MAML2: variants seen among roughly 807,000 people sequenced by gnomAD.
MAML2 encodes mastermind like transcriptional coactivator 2, also known as mastermind-like protein 2.
Under a neutral mutation model 96.1 loss-of-function variants are expected in MAML2, and 22 were observed. The ratio of observed to expected loss-of-function variants is 0.23; its 90% CI spans 0.16 to 0.33. MAML2 has a LOEUF of 0.33. MAML2 is among the 10% of genes least tolerant of loss of function. MAML2 has a pLI of 1.00. For missense variants in MAML2, 1,367 were observed against 1,392.4 expected (o/e 0.98, Z 0.29); for synonymous variants, 561 against 521.3 (o/e 1.08, Z -1.04).
intron 2 of MAML2, among the ~76,000 whole-genome samples, chr11:96,072,267 C>A (rs1036507876): frequency 1.3e-5 from 2 of 152,118 alleles, no homozygotes; most frequent in Non-Finnish European, 2.9e-5. Context: ...CAGGGTATGT[C>A]CTGACTGCAT....
Position 96,322,624 on chromosome 11 carries a change from G to A in MAML2, c.513+18759C>T, listed in dbSNP as rs561103141. 1.3e-3 allele frequency among the ~76,000 whole-genome samples: 199 copies of A among 152,250 alleles called. 1 individual carries two copies. The highest frequency in any genetic ancestry group is 2.0e-3 in the Non-Finnish European group (138 of 68,008). On this transcript the variant is annotated intron_variant, in intron 1 of 4. Coordinates refer to ENST00000524717, the MANE Select transcript of MAML2 (RefSeq NM_032427.4). ...GGAGAATGGCGTGAACCCGGAAGGCGGAGCTTGCAGTGAGCCGAGATCGCG... is the reference window on the plus strand; with the variant it reads ...GGAGAATGGCGTGAACCCGGAAGGCAGAGCTTGCAGTGAGCCGAGATCGCG...
At chr11:96,089,550 A>G (rs939137711) in intron 2 of MAML2, among the ~76,000 whole-genome samples, 1 of 152,206 alleles carries the variant, frequency 6.6e-6, no homozygotes, top group Non-Finnish European at 1.5e-5. Flanking sequence ...CCTAGAGACA[A>G]TCCCCAGAGA....
chr11:96,010,190 A>C (rs532624604), intron 2 of MAML2, among the ~76,000 whole-genome samples: 1 of 152,344 alleles, frequency 6.6e-6, no homozygotes, highest in African/African-American at 2.4e-5. Context: ...TACATTCTAT[A>C]TCCTAATTAT....
chr11:96,035,281 C>A (rs627313), intron 2 of MAML2, among the ~76,000 whole-genome samples: 2 of 151,940 alleles, frequency 1.3e-5, no homozygotes, highest in Non-Finnish European at 2.9e-5. Context: ...GAAAGCTATG[C>A]GAAGCCAACC....
At position 96,111,369 on chromosome 11, in the gene MAML2, G is replaced by A. The variant is rs138015213; in HGVS notation, c.514-17852C>T. Among the ~76,000 whole-genome samples, 933 of 152,068 alleles carry A rather than the reference G, an allele frequency of 6.1e-3. 10 individuals carry two copies. Among genetic ancestry groups the A allele is most frequent in the Non-Finnish European group, 0.01 (688 of 68,010 alleles). On this transcript the variant is annotated intron_variant, in intron 1 of 4. Transcript: ENST00000524717. ...GCAAATTCACTGCTTCATGACAAGC[G>A]CCAACAGTCATACGCAGATGCAATT...
chr11:96,199,155 C>A lies in MAML2; in HGVS notation c.514-105638G>T, dbSNP rs1444902851. Reference sequence around the variant, plus strand: ...GAGTTTGCAGTGGGCCAAAATGGCGCCACTGCACTCCAGCCTGGGCAACAG... The same window carrying A: ...GAGTTTGCAGTGGGCCAAAATGGCGACACTGCACTCCAGCCTGGGCAACAG... On this transcript the variant is annotated intron_variant, in intron 1 of 4. Coordinates refer to ENST00000524717, the MANE Select transcript of MAML2 (RefSeq NM_032427.4). Among the ~76,000 whole-genome samples the A allele has an allele frequency of 5.6e-5, 8 of 143,766 alleles. No individual in the cohort carries two copies. The South Asian group carries it at 1.8e-3, about 32-fold the overall frequency. 94.3% of individuals were successfully genotyped at this position (143,766 alleles called of 152,430 possible).
At chr11:96,091,808 A>T (rs550543092) in intron 2 of MAML2, 84 bp downstream of exon 2, 88 of 1,506,448 alleles carry the variant, frequency 5.8e-5, no homozygotes, top group Non-Finnish European at 7.6e-5. Flanking sequence ...TCTTGTCCCA[A>T]TACAAACATA....
chr11:96,028,067 A>C (rs949015325), intron 2 of MAML2, among the ~76,000 whole-genome samples: 2 of 152,138 alleles, frequency 1.3e-5, no homozygotes, highest in African/African-American at 4.8e-5. Context: ...ATAAGTAAAC[A>C]AGGTCCCAAT....
chr11:96,110,354 G>A (rs1204804905), intron 1 of MAML2, among the ~76,000 whole-genome samples: 1 of 152,192 alleles, frequency 6.6e-6, no homozygotes, highest in Non-Finnish European at 1.5e-5. Context: ...TAGGTACAAA[G>A]TTAAACATTC....
In MAML2 at chr11:96,092,688, C is replaced by A; in HGVS notation, c.1343G>T (p.Arg448Leu). Reference sequence around the variant, plus strand: ...GTGCTGCTGCTGGTGCTGCTGCATCCGGGCATGCTGCTGACGATTAGCAGC... The same window carrying A: ...GTGCTGCTGCTGGTGCTGCTGCATCAGGGCATGCTGCTGACGATTAGCAGC... ...QIAANRQQHA[R>L]MQQHQQQHQP... The change falls in exon 2 of 5, where the codon CGG becomes CTG. Residue 448 changes from arginine (R) to leucine (L), a missense_variant. Coordinates refer to ENST00000524717, the MANE Select transcript of MAML2 (RefSeq NM_032427.4). This position sits in a 1 kb window ranked among gnomAD's most constrained non-coding sequence, Gnocchi z 4.1. The A allele has an allele frequency of 6.2e-7, 1 of 1,613,968 alleles. No homozygotes were observed. Among genetic ancestry groups the A allele is most frequent in the Admixed American group, 1.7e-5 (1 of 60,024 alleles).
At chr11:96,330,987 C>T (rs1863846453) in intron 1 of MAML2, among the ~76,000 whole-genome samples, 2 of 152,124 alleles carry the variant, frequency 1.3e-5, no homozygotes, top group African/African-American at 4.8e-5. Context: ...AAGCCATCTA[C>T]CAGCCAGGCA....
At chr11:96,333,745 A>G (rs889794662) in intron 1 of MAML2, among the ~76,000 whole-genome samples, 1 of 152,232 alleles carries the variant, frequency 6.6e-6, no homozygotes. Flanking sequence ...CAAAAGCATA[A>G]ATTTAAATCT....
Position 95,979,321 on chromosome 11 carries a change from C to T in MAML2, c.3098G>A (p.Ser1033Asn). The change falls in exon 5 of 5, where the codon AGC becomes AAC. Residue 1033 changes from serine to asparagine, a missense_variant. Physicochemically the swap from Ser to Asn is conservative, Grantham distance 46. Transcript: ENST00000524717. ...CATGGTTTGCCCATTTAGTGTTTGG[C>T]TCATTTGGTTCATGGGTCTCATTTG... ...AVQMRPMNQMSQTLNGQTMGP... is the reference protein window; with the variant it reads ...AVQMRPMNQMNQTLNGQTMGP... 1.2e-6 allele frequency: 2 copies of T among 1,613,910 alleles called. No individual in the cohort carries two copies. Among genetic ancestry groups the T allele is most frequent in the Non-Finnish European group, 8.5e-7 (1 of 1,179,864 alleles).
At chr11:96,007,027 A>G (rs1005054183) in intron 2 of MAML2, among the ~76,000 whole-genome samples, 1 of 151,216 alleles carries the variant, frequency 6.6e-6, no homozygotes, top group African/African-American at 2.4e-5. Context: ...TTTTTTAGAC[A>G]GAGTCTCACT....
At chr11:96,296,366 C>T (rs556010051) in intron 1 of MAML2, among the ~76,000 whole-genome samples, 57 of 152,220 alleles carry the variant, frequency 3.7e-4, no homozygotes, top group African/African-American at 9.9e-4. Context: ...GAAGGGAGGC[C>T]GAGCACGGTG....
intron 2 of MAML2, among the ~76,000 whole-genome samples, chr11:96,052,382 G>A (rs886229825): frequency 6.6e-6 from 1 of 152,170 alleles, no homozygotes; most frequent in African/African-American, 2.4e-5. Flanking sequence ...AAAGGGGACT[G>A]TTTTGACTAC....
At chr11:96,140,444 A>G (rs1860712461) in intron 1 of MAML2, among the ~76,000 whole-genome samples, 1 of 152,202 alleles carries the variant, frequency 6.6e-6, no homozygotes, top group Admixed American at 6.5e-5. Context: ...CCTTCTGCCC[A>G]ACATGAACAG....
intron 2 of MAML2, among the ~76,000 whole-genome samples, chr11:96,069,956 G>A (rs936238823): frequency 7.1e-4 from 108 of 151,748 alleles, no homozygotes; most frequent in African/African-American, 1.7e-3. Context: ...CCTGAGAGGC[G>A]GAGGTTGCAG....
At chr11:96,162,626 G>A (rs7121934) in intron 1 of MAML2, among the ~76,000 whole-genome samples, 11,564 of 150,774 alleles carry the variant, frequency 0.077, 538 homozygotes, top group Non-Finnish European at 0.099. Context: ...CAGGAGAATC[G>A]CTTGAACCCG....
Sources: allele counts gnomAD v4.1 joint callset (sites outside exome capture counted in the v4.1 genomes callset), GRCh38; gene constraint gnomAD v4.1.1; non-coding constraint Gnocchi (gnomAD v3.1); transcripts MANE v1.5; gene names NCBI Gene and HGNC (gene_info 2026-07-23, HGNC 2026-07-21).